ARHGAP44: variants seen among roughly 807,000 people sequenced by gnomAD.
The protein encoded by ARHGAP44 is rho GTPase-activating protein 44.
A neutral mutation model predicts 106.8 loss-of-function variants in ARHGAP44; 43 were observed. That is an observed-to-expected ratio of 0.40 (90% confidence interval 0.32 to 0.52). ARHGAP44 has a LOEUF of 0.52. Ranked by LOEUF, ARHGAP44 falls within the 20% of genes least tolerant of loss-of-function variation. The probability of loss-of-function intolerance (pLI) is 0.48; values close to 1 mark genes in which losing one functional copy is unlikely to be tolerated. For synonymous variants in ARHGAP44, 439 were observed against 410.3 expected (o/e 1.07, Z -0.85); for missense variants, 866 against 1,050.5 (o/e 0.82, Z 2.43).
At chr17:12,973,408 A>C (rs1475321564) in intron 17 of ARHGAP44, 89 bp downstream of exon 17, 4 of 1,385,888 alleles carry the variant, frequency 2.9e-6, no homozygotes, top group Non-Finnish European at 4.0e-6. Flanking sequence ...CAGAGGGTGA[A>C]TGCGCCGCGT....
chr17:12,897,449 T>C (rs78520683), intron 3 of ARHGAP44, among the ~76,000 whole-genome samples: 12,750 of 151,394 alleles, frequency 0.084, 677 homozygotes, highest in Non-Finnish European at 0.12. Context: ...TTTTTTTTTT[T>C]CCAAGCCCTG....
intron 13 of ARHGAP44, 60 bp from the exon 14 acceptor site, chr17:12,955,807 C>G: frequency 9.6e-7 from 1 of 1,040,870 alleles, no homozygotes; most frequent in Non-Finnish European, 1.5e-6. Flanking sequence ...TGTCCAGTCC[C>G]CGGGGGACAT....
intron 1 of ARHGAP44, among the ~76,000 whole-genome samples, chr17:12,839,342 T>C (rs112487109): frequency 0.018 from 2,792 of 152,330 alleles, 94 homozygotes; most frequent in African/African-American, 0.064. Context: ...TTCTTTAACC[T>C]GGGCCTTGCT....
chr17:12,789,914 T>C, intron 1 of ARHGAP44, 23 bp downstream of exon 1: 1 of 1,507,786 alleles, frequency 6.6e-7, no homozygotes, highest in Non-Finnish European at 8.9e-7. Context: ...CGGGCACCGC[T>C]GTCGGTGCGC....
At position 12,866,515 on chromosome 17, in the gene ARHGAP44, G is replaced by GA. The variant is rs905567396; in HGVS notation, c.54-28415dup. ...CCTTCACAGTGTAAGAGAGAGAGAG[G>GA]AAAAAAAAAATCTACCCTCTTAAGA... On this transcript the variant is annotated intron_variant, in intron 1 of 20. Coordinates refer to ENST00000379672, the MANE Select transcript of ARHGAP44 (RefSeq NM_014859.6). Among the ~76,000 whole-genome samples, 11 of 149,196 alleles carry GA rather than the reference G, an allele frequency of 7.4e-5. No homozygotes were observed. The South Asian group carries it at 8.5e-4, about 12-fold the overall frequency.
chr17:12,841,593 C>CCG (rs1567642186), intron 1 of ARHGAP44, among the ~76,000 whole-genome samples: 1 of 130,874 alleles, frequency 7.6e-6, no homozygotes, highest in African/African-American at 3.0e-5. Context: ...CTGTCTCTCT[C>CCG]TCACACACAC....
intron 6 of ARHGAP44, among the ~76,000 whole-genome samples, chr17:12,926,502 T>TGC (rs2038249827): frequency 1.4e-5 from 2 of 143,756 alleles, no homozygotes; most frequent in African/African-American, 5.0e-5. Flanking sequence ...AATATATGTA[T>TGC]ATATATTATA....
intron 16 of ARHGAP44, among the ~76,000 whole-genome samples, chr17:12,960,888 A>G (rs1215205267): frequency 2.0e-5 from 3 of 152,142 alleles, no homozygotes; most frequent in Non-Finnish European, 2.9e-5. Flanking sequence ...TTTAATCTAT[A>G]AAAAAGAACA....
chr17:12,917,028 CA>C, intron 5 of ARHGAP44, among the ~76,000 whole-genome samples: 1 of 152,256 alleles, frequency 6.6e-6, no homozygotes, highest in South Asian at 2.1e-4. Context: ...AAATATGATG[CA>C]AATATTCCAA....
chr17:12,858,077 G>A (rs547393491), intron 1 of ARHGAP44, among the ~76,000 whole-genome samples: 1 of 152,244 alleles, frequency 6.6e-6, no homozygotes, highest in African/African-American at 2.4e-5. Context: ...ACTCGCAGTT[G>A]GAAGGAAGAA....
chr17:12,909,432 A>C (rs2037656023), intron 4 of ARHGAP44, among the ~76,000 whole-genome samples: 1 of 152,212 alleles, frequency 6.6e-6, no homozygotes, highest in Non-Finnish European at 1.5e-5. Flanking sequence ...ACAATTATTT[A>C]AATGGAAATT....
intron 1 of ARHGAP44, among the ~76,000 whole-genome samples, chr17:12,803,251 C>G (rs193136824): frequency 1.3e-5 from 2 of 151,682 alleles, no homozygotes; most frequent in East Asian, 3.9e-4. Context: ...GGATTACAAG[C>G]GTGAGCTACC....
chr17:12,973,840 T>A, intron 17 of ARHGAP44: 1 of 570,166 alleles, frequency 1.8e-6, no homozygotes, highest in South Asian at 2.1e-5. Flanking sequence ...CTGCCGACTG[T>A]GCCCTGCTCC....
intron 1 of ARHGAP44, among the ~76,000 whole-genome samples, chr17:12,858,071 G>T (rs532323856): frequency 6.6e-6 from 1 of 152,076 alleles, no homozygotes; most frequent in Non-Finnish European, 1.5e-5. Context: ...GCATTTACTC[G>T]CAGTTGGAAG....
intron 16 of ARHGAP44, among the ~76,000 whole-genome samples, chr17:12,964,223 A>G (rs1413363751): frequency 6.6e-6 from 1 of 152,222 alleles, no homozygotes; most frequent in East Asian, 1.9e-4. Flanking sequence ...CTAAATAATA[A>G]ATGAAAGTAA....
intron 1 of ARHGAP44, among the ~76,000 whole-genome samples, chr17:12,828,827 G>A (rs1001828300): frequency 6.6e-6 from 1 of 151,614 alleles, no homozygotes; most frequent in Admixed American, 6.6e-5. Context: ...ATTTTTAGTG[G>A]AGACGGGGTT....
chr17:12,894,212 TTGTG>T (rs1255643307), intron 1 of ARHGAP44, among the ~76,000 whole-genome samples: 5 of 149,204 alleles, frequency 3.4e-5, no homozygotes, highest in Middle Eastern at 3.5e-3. Flanking sequence ...TTTGCTGTGT[TTGTG>T]TGTGTGTGTG....
At chr17:12,939,505 G>A (rs984151130) in intron 7 of ARHGAP44, among the ~76,000 whole-genome samples, 11 of 151,234 alleles carry the variant, frequency 7.3e-5, no homozygotes, top group South Asian at 4.2e-4. Context: ...TCTCTCTGTT[G>A]CCCAGGCTGG....
In ARHGAP44 at chr17:12,789,853, C is replaced by A; in HGVS notation, c.15C>A (p.Phe5Leu). The change falls in exon 1 of 21, where the codon TTC (phenylalanine) becomes TTA (leucine). Residue 5 changes from phenylalanine (F) to leucine (L), a missense_variant. Around this residue, in one of 2 missense-constraint regions of ARHGAP44, gnomAD observed 448 missense variants for 646.9 expected, o/e 0.69. Transcript: ENST00000379672. ...GCGGGGCCACGATGAAGAAGCAGTT[C>A]AATCGCATGCGCCAGCTGGCCAACC... MKKQ[F>L]NRMRQLANQT... The A allele has an allele frequency of 6.6e-7, 1 of 1,523,266 alleles. No homozygotes were observed. The highest frequency in any genetic ancestry group is 1.2e-5 in the South Asian group (1 of 80,796). 94.4% of individuals were successfully genotyped at this position (1,523,266 alleles called of 1,614,324 possible).
Sources: gnomAD v4.1 joint callset for allele counts (sites outside exome capture counted in the v4.1 genomes callset) on GRCh38, gnomAD v4.1.1 for gene constraint, gnomAD v4.1.1 regional missense constraint, MANE v1.5 for transcripts, NCBI Gene and HGNC (gene_info 2026-07-23, HGNC 2026-07-21) for gene names.